The following ABCA5 variants were observed in gnomAD, a reference collection of about 807,000 sequenced individuals.
ABCA5 encodes the protein ATP binding cassette subfamily A member 5.
A neutral mutation model predicts 206.0 loss-of-function variants in ABCA5; 163 were observed. That is an observed-to-expected ratio of 0.79 (90% confidence interval 0.70 to 0.90). The LOEUF (loss-of-function observed/expected upper bound fraction) is 0.90, where lower values mean the gene tolerates loss of function less well. ABCA5 is among the 40% of genes least tolerant of loss of function. The pLI is 0.00. For synonymous variants in ABCA5, 609 were observed against 613.8 expected, an observed-to-expected ratio of 0.99 and a Z score of 0.11; for missense variants, 1,859 against 1,912.9, an observed-to-expected ratio of 0.97 and a Z score of 0.53.
Position 69,284,073 on chromosome 17 carries a change from C to A in ABCA5, c.2273-1G>T, listed in dbSNP as rs1410144755. On this transcript the variant is annotated splice_acceptor_variant, in intron 17 of 38. Transcript: ENST00000392676. LOFTEE classifies it high-confidence loss of function. ...TGACTGTCTAGGGCAGAAAACAAAC[C>A]TAAAAGAAAAAAATGAAAGAATAGT... 2.6e-6 allele frequency: 4 copies of A among 1,542,538 alleles called. No individual in the cohort carries two copies. The highest frequency in any genetic ancestry group is 2.2e-5 in the Admixed American group (1 of 45,122).
intron 1 of ABCA5, among the ~76,000 whole-genome samples, chr17:69,322,422 T>G (rs1598213913): frequency 7.8e-6 from 1 of 127,946 alleles, no homozygotes; most frequent in African/African-American, 2.9e-5. Flanking sequence ...CTACGAAACA[T>G]ATTCCACATC....
chr17:69,278,025 C>T (rs1392236538), intron 18 of ABCA5, among the ~76,000 whole-genome samples, 183 bp from the exon 19 acceptor site: 1 of 152,000 alleles, frequency 6.6e-6, no homozygotes, highest in Non-Finnish European at 1.5e-5. Flanking sequence ...AAGAGATCCC[C>T]AACAGGTATA....
At chr17:69,257,353 C>CAAAAAAAA (rs542087331) in intron 28 of ABCA5, among the ~76,000 whole-genome samples, 1 of 54,916 alleles carries the variant, frequency 1.8e-5, no homozygotes, top group Non-Finnish European at 3.9e-5. Flanking sequence ...GATTCCATCT[C>CAAAAAAAA]AAAAAAAAAA....
chr17:69,293,287 C>A (rs1046321205), intron 11 of ABCA5, among the ~76,000 whole-genome samples: 1 of 152,138 alleles, frequency 6.6e-6, no homozygotes, highest in South Asian at 2.1e-4. Flanking sequence ...ATCTGTAGGG[C>A]AGGTTGAAAA....
Position 69,271,164 on chromosome 17 carries a change from T to C in ABCA5, c.2890A>G (p.Lys964Glu), listed in dbSNP as rs909211276. ...TTCATTCACTGCATTCATCTTACCTTTTCTGAATGCATCACATTTAAAGCC... is the reference window on the plus strand; with the variant it reads ...TTCATTCACTGCATTCATCTTACCTCTTCTGAATGCATCACATTTAAAGCC... ...SAALNVMHSE[K>E]DYVFAAVFNS... Residue 964 changes from lysine (K) to glutamate (E), a missense_variant and splice_region_variant, in exon 21 of 39, where the codon AAG (lysine) becomes GAG (glutamate). Lys to Glu is a moderately conservative substitution (Grantham distance 56, BLOSUM62 1). Coordinates refer to ENST00000392676, the MANE Select transcript of ABCA5 (RefSeq NM_172232.4). 6 of 1,610,424 alleles carry C rather than the reference T, an allele frequency of 3.7e-6. No homozygotes were observed. The African/African-American group carries it at 6.7e-5, about 18-fold the overall frequency.
Position 69,247,340 on chromosome 17 carries a change from C to T in ABCA5, c.*197G>A, listed in dbSNP as rs1295656234. The T allele has an allele frequency of 2.1e-6, 1 of 486,740 alleles. No homozygotes were observed. The highest frequency in any genetic ancestry group is 3.6e-6 in the Non-Finnish European group (1 of 277,430). The allele number at this position is 486,740 out of a possible 1,614,324, so 30.2% of individuals were successfully genotyped here. On this transcript the variant is annotated 3_prime_UTR_variant, in exon 39 of 39. Coordinates refer to ENST00000392676, the MANE Select transcript of ABCA5 (RefSeq NM_172232.4). ...AATATACTTCAATACAAACATGCAG[C>T]TTCACTTAATTATACATACGTTTTA...
intron 20 of ABCA5, among the ~76,000 whole-genome samples, chr17:69,273,645 G>A (rs1190855042): frequency 1.3e-5 from 2 of 151,708 alleles, no homozygotes; most frequent in African/African-American, 4.8e-5. Context: ...TAGTAGAGAC[G>A]GGGTTTCACC....
At chr17:69,308,136 T>C (rs983491713) in intron 5 of ABCA5, 144 bp downstream of exon 5, 128 of 407,764 alleles carry the variant, frequency 3.1e-4, no homozygotes, top group African/African-American at 2.3e-3. Context: ...ATATGACTTT[T>C]TTATCTTTTT....
intron 24 of ABCA5, among the ~76,000 whole-genome samples, chr17:69,264,165 C>A (rs1272981724): frequency 6.6e-6 from 1 of 152,106 alleles, no homozygotes; most frequent in Non-Finnish European, 1.5e-5. Context: ...TCTTCTAATC[C>A]ATGAGCATGA....
chr17:69,301,199 G>T lies in ABCA5; in HGVS notation c.1207C>A (p.Leu403Ile), dbSNP rs780765055. ...ACATAGAATATACTATTAAGTGTGA[G>T]CATGATAATTGTAATAATTAGAGGA... ...PYPLIITIIM[L>I]TLNSIFYVLL... Residue 403 changes from leucine to isoleucine, a missense_variant, in exon 9 of 39, where the codon CTC becomes ATC. Physicochemically the swap from Leu to Ile is conservative, Grantham distance 5 (BLOSUM62 2). Coordinates refer to ENST00000392676, the MANE Select transcript of ABCA5 (RefSeq NM_172232.4). The T allele has an allele frequency of 6.2e-7, 1 of 1,601,958 alleles. No homozygotes were observed. The highest frequency in any genetic ancestry group is 1.4e-5 in the African/African-American group (1 of 74,064).
intron 19 of ABCA5, among the ~76,000 whole-genome samples, chr17:69,275,445 T>A (rs1269916414): frequency 6.6e-6 from 1 of 152,136 alleles, no homozygotes; most frequent in Non-Finnish European, 1.5e-5. Flanking sequence ...ACCCCGTAAT[T>A]TTTTTAAAAA....
chr17:69,287,376 A>G (rs1192145411), intron 15 of ABCA5, among the ~76,000 whole-genome samples: 1 of 152,146 alleles, frequency 6.6e-6, no homozygotes, highest in Non-Finnish European at 1.5e-5. Flanking sequence ...CATAGTCATG[A>G]GTATGACTAT....
Position 69,268,204 on chromosome 17 carries a change from G to C in ABCA5, c.3031-148C>G, listed in dbSNP as rs569755886. 3.7e-5 allele frequency: 19 copies of C among 518,170 alleles called. No homozygotes were observed. The East Asian group carries it at 6.0e-4, about 16-fold the overall frequency. 32.1% of individuals were successfully genotyped at this position (518,170 alleles called of 1,614,324 possible). On this transcript the variant is annotated intron_variant, in intron 22 of 38. Transcript: ENST00000392676. ...TAACCCAGGCATAGTCTACATGAAA[G>C]AATGAGTGGCAGATGTATTAACAGG...
chr17:69,284,268 G>A (rs2075427745), intron 17 of ABCA5, among the ~76,000 whole-genome samples, 196 bp from the exon 18 acceptor site: 1 of 152,116 alleles, frequency 6.6e-6, no homozygotes, highest in Admixed American at 6.6e-5. Flanking sequence ...AGACTCAGGT[G>A]GGAGGATCAC....
chr17:69,315,521 AC>A (rs2075807680), intron 1 of ABCA5: 1 of 152,464 alleles, frequency 6.6e-6, no homozygotes. Context: ...GCGGTGGCTC[AC>A]GCCTGTAATC....
chr17:69,310,979 G>C (rs2075762802), intron 3 of ABCA5, among the ~76,000 whole-genome samples: 1 of 152,126 alleles, frequency 6.6e-6, no homozygotes, highest in African/African-American at 2.4e-5. Context: ...TTGAGTCCAG[G>C]AGTAGATTGC....
chr17:69,264,750 T>A lies in ABCA5; in HGVS notation c.3300A>T (p.Val1100=). The part of the protein sequence containing the change: ...AFHYGLYFYT[V]KFLAVVFCLI... ...GTTAACTTACCACAGCAAGGAACTT[T>A]ACAGTATAAAAATATAATCCATAAT... is the stretch of plus-strand genomic sequence containing the variant. The change falls in exon 24 of 39, where the codon GTA becomes GTT. Residue 1100 remains valine (V), a synonymous_variant. Coordinates refer to ENST00000392676, the MANE Select transcript of ABCA5 (RefSeq NM_172232.4). 1 of 1,562,808 alleles carries A rather than the reference T, an allele frequency of 6.4e-7. No individual in the cohort carries two copies. Among genetic ancestry groups the A allele is most frequent in the Non-Finnish European group, 8.6e-7 (1 of 1,158,174 alleles).
At chr17:69,273,922 T>A in intron 20 of ABCA5, 37 bp downstream of exon 20, 3 of 1,567,582 alleles carry the variant, frequency 1.9e-6, no homozygotes, top group Non-Finnish European at 2.6e-6. Flanking sequence ...CCATGCTCCA[T>A]GCCAACACTC....
In ABCA5 at chr17:69,289,305, G is replaced by A; in HGVS notation, c.1783-9C>T. On this transcript the variant is annotated splice_polypyrimidine_tract_variant and intron_variant, in intron 13 of 38. Transcript: ENST00000392676. ...AGTAAAACCTTCTGCACCTGTAAAA[G>A]TAAAGCATGAACAATGTTATTTTAA... 1 of 1,538,678 alleles carries A rather than the reference G, an allele frequency of 6.5e-7. No individual in the cohort carries two copies. Among genetic ancestry groups the A allele is most frequent in the South Asian group, 1.3e-5 (1 of 74,770 alleles).
Sources: gnomAD v4.1 joint callset for allele counts (sites outside exome capture counted in the v4.1 genomes callset) on GRCh38, gnomAD v4.1.1 for gene constraint, MANE v1.5 for transcripts, NCBI Gene and HGNC (gene_info 2026-07-23, HGNC 2026-07-21) for gene names.